Variants in LMAN2 observed in about 807,000 individuals in gnomAD.
LMAN2 encodes lectin, mannose binding 2, also known as vesicular integral-membrane protein VIP36.
A neutral mutation model predicts 39.3 loss-of-function variants in LMAN2; 22 were observed. The observed-to-expected ratio is 0.56, with a 90% CI of 0.40 to 0.80. The LOEUF is 0.80. Among genes scored for constraint, LMAN2 ranks in the 30% least tolerant of loss-of-function variants. The pLI is 0.00. For missense variants in LMAN2, 494 were observed against 505.4 expected (o/e 0.98, Z 0.22); for synonymous variants, 207 against 207.8 (o/e 1.00, Z 0.03).
Position 177,338,678 on chromosome 5 carries a change from G to C in LMAN2, c.316-73C>G, listed in dbSNP as rs1332192963. On this transcript the variant is annotated intron_variant, in intron 2 of 7. Coordinates refer to ENST00000303127, the MANE Select transcript of LMAN2 (RefSeq NM_006816.3). ...AGCAAGCTGGAGGCAACCCCAGCAC[G>C]GCCCCTGCCCCACAGACCTCTCTTC... 4.1e-6 allele frequency: 5 copies of C among 1,222,510 alleles called. No individual in the cohort carries two copies. In the African/African-American group the frequency reaches 5.9e-5, roughly 15 times the overall value. The allele number at this position is 1,222,510 out of a possible 1,614,324, so 75.7% of individuals were successfully genotyped here. A position where few individuals can be genotyped will look rare whatever the true frequency, so the allele number is the denominator to read the frequency against.
At position 177,333,015 on chromosome 5, in the gene LMAN2, C is replaced by T. The variant is rs553867276; in HGVS notation, c.911-769G>A. Among the ~76,000 whole-genome samples the T allele has an allele frequency of 4.6e-5, 7 of 152,352 alleles. No individual in the cohort carries two copies. The South Asian group carries it at 1.4e-3, about 32-fold the overall frequency. ...GCCTTTCAGCGACGTGCATGCCACC[C>T]TCTTGCCAGCCACAAGCCAACCTCC... On this transcript the variant is annotated intron_variant, in intron 7 of 7. Transcript: ENST00000303127.
intron 6 of LMAN2, chr5:177,336,845 T>C (rs1761480795): frequency 6.1e-6 from 3 of 490,838 alleles, no homozygotes; most frequent in Non-Finnish European, 1.1e-5. Flanking sequence ...GACAGGCCAT[T>C]TACAGAAGAA....
Position 177,337,115 on chromosome 5 carries a change from C to G in LMAN2, c.790+21G>C, listed in dbSNP as rs1448213809. 6.3e-6 allele frequency: 10 copies of G among 1,584,730 alleles called. No individual in the cohort carries two copies. In the South Asian group the frequency reaches 9.9e-5, roughly 16 times the overall value. Reference sequence around the variant, plus strand: ...CAGGGTGAGCTGGGCTGGGAACCAACGCCTGGCCCGGCCCACTCACCAGAC... The same window carrying G: ...CAGGGTGAGCTGGGCTGGGAACCAAGGCCTGGCCCGGCCCACTCACCAGAC... On this transcript the variant is annotated intron_variant, in intron 6 of 7. Coordinates refer to ENST00000303127, the MANE Select transcript of LMAN2 (RefSeq NM_006816.3). This position sits in a 1 kb window ranked among gnomAD's most constrained non-coding sequence, Gnocchi z 8.2.
intron 2 of LMAN2, among the ~76,000 whole-genome samples, chr5:177,344,456 ATT>A (rs1453337302): frequency 6.6e-6 from 1 of 150,840 alleles, no homozygotes; most frequent in Non-Finnish European, 1.5e-5. Context: ...AATTAGTTGT[ATT>A]TTTAGTAGAG....
chr5:177,348,444 TG>T (rs1159597137), intron 2 of LMAN2, among the ~76,000 whole-genome samples: 1 of 152,086 alleles, frequency 6.6e-6, no homozygotes. Context: ...CCTAGCACTT[TG>T]GGAGGCCGAG....
chr5:177,347,544 G>A (rs1309352243), intron 2 of LMAN2, among the ~76,000 whole-genome samples: 1 of 151,994 alleles, frequency 6.6e-6, no homozygotes, highest in Admixed American at 6.6e-5. Flanking sequence ...GGACAAACAC[G>A]ATATGACCAC....
chr5:177,347,946 C>T (rs1396609996), intron 2 of LMAN2, among the ~76,000 whole-genome samples: 1 of 151,970 alleles, frequency 6.6e-6, no homozygotes, highest in African/African-American at 2.4e-5. Context: ...TAGTAAGATC[C>T]CATCTATAAT....
chr5:177,351,599 G>C lies in LMAN2; in HGVS notation c.49C>G (p.Leu17Val), dbSNP rs768821010. 5 of 1,610,476 alleles carry C rather than the reference G, an allele frequency of 3.1e-6. No individual in the cohort carries two copies. The South Asian group carries it at 5.5e-5, about 18-fold the overall frequency. Residue 17 changes from leucine to valine, a missense_variant, in exon 1 of 8, where the codon CTG (leucine) becomes GTG (valine). Transcript: ENST00000303127. ...IWRWGWGRRC[L>V]GRPGLLGPGP... ...GGGCCGAGAAGCCCAGGCCTTCCCA[G>C]GCACCGCCGGCCCCAGCCCCAACGC... is the stretch of plus-strand genomic sequence containing the variant.
intron 2 of LMAN2, among the ~76,000 whole-genome samples, chr5:177,339,149 T>C (rs890088771): frequency 1.3e-5 from 2 of 152,232 alleles, no homozygotes; most frequent in Non-Finnish European, 2.9e-5. Context: ...CAGGGTTTTC[T>C]GACTCCGAGA....
Position 177,351,638 on chromosome 5 carries a change from C to T in LMAN2, c.10G>A (p.Glu4Lys), listed in dbSNP as rs1318224784. MAAEGWIWRWGWGR... is the reference protein window; with the variant it reads MAAKGWIWRWGWGR... ...CAGCCCCAACGCCAAATCCAGCCTT[C>T]CGCCGCCATTCTCCTCTCCTCTCGG... is the stretch of plus-strand genomic sequence containing the variant. Residue 4 changes from glutamate (E) to lysine (K), a missense_variant, in exon 1 of 8, where the codon GAA (glutamate) becomes AAA (lysine). Glu to Lys is a moderately conservative substitution (Grantham distance 56). Transcript: ENST00000303127. 3.8e-6 allele frequency: 6 copies of T among 1,592,346 alleles called. No individual in the cohort carries two copies. Among genetic ancestry groups the T allele is most frequent in the South Asian group, 2.3e-5 (2 of 88,846 alleles).
chr5:177,347,417 C>A (rs1304685987), intron 2 of LMAN2, among the ~76,000 whole-genome samples: 1 of 152,148 alleles, frequency 6.6e-6, no homozygotes, highest in Middle Eastern at 3.2e-3. Flanking sequence ...GTCTTCATGA[C>A]CCCAGATTAA....
Position 177,351,210 on chromosome 5 carries a change from T to A in LMAN2, c.278A>T (p.Asp93Val). Residue 93 changes from aspartate to valine, a missense_variant, in exon 2 of 8, where the codon GAC (aspartate) becomes GTC (valine). Asp to Val is a radical substitution (Grantham distance 152). Coordinates refer to ENST00000303127, the MANE Select transcript of LMAN2 (RefSeq NM_006816.3). ...LTSQYVRLTP[D>V]ERSKEGSIWN... ...GATAGAGCCCTCTTTGCTGCGCTCGTCAGGGGTCAGACGTACGTACTGGCT... is the reference window on the plus strand; with the variant it reads ...GATAGAGCCCTCTTTGCTGCGCTCGACAGGGGTCAGACGTACGTACTGGCT... 1 of 1,614,184 alleles carries A rather than the reference T, an allele frequency of 6.2e-7. No homozygotes were observed. Among genetic ancestry groups the A allele is most frequent in the Non-Finnish European group, 8.5e-7 (1 of 1,180,028 alleles).
intron 2 of LMAN2, 40 bp from the exon 3 acceptor site, chr5:177,338,645 G>A (rs1332235566): frequency 3.2e-6 from 5 of 1,574,818 alleles, no homozygotes; most frequent in Non-Finnish European, 4.4e-6. Context: ...AGCTCCCCAG[G>A]GCCTTCCAGC....
At chr5:177,343,903 T>A (rs975640605) in intron 2 of LMAN2, among the ~76,000 whole-genome samples, 2 of 152,106 alleles carry the variant, frequency 1.3e-5, no homozygotes, top group Non-Finnish European at 2.9e-5. Context: ...GCCACTGACC[T>A]GTACACTTAA....
At chr5:177,347,106 T>C (rs1761648269) in intron 2 of LMAN2, among the ~76,000 whole-genome samples, 1 of 152,198 alleles carries the variant, frequency 6.6e-6, no homozygotes, top group Non-Finnish European at 1.5e-5. Flanking sequence ...AGCCCTCATA[T>C]ATTTGAAAAC....
chr5:177,333,177 C>T (rs1427060568), intron 7 of LMAN2, among the ~76,000 whole-genome samples: 1 of 152,252 alleles, frequency 6.6e-6, no homozygotes, highest in Non-Finnish European at 1.5e-5. Context: ...CAGAAAGCCA[C>T]TCAGCCTCAG....
In LMAN2 at chr5:177,337,178, C is replaced by T. The variant is rs372872307; in HGVS notation, c.748G>A (p.Gly250Ser). ...IDITGVRLPT[G>S]YYFGASAGTG... ...CCGGCGGAGGCCCCGAAGTAGTAGC[C>T]GGTGGGCAGGCGCACTCCCGTGATG... The change falls in exon 6 of 8, where the codon GGC becomes AGC. Residue 250 changes from glycine (G) to serine (S), a missense_variant. Gly to Ser is a moderately conservative substitution (Grantham distance 56). Transcript: ENST00000303127. This position sits in a 1 kb window ranked among gnomAD's most constrained non-coding sequence, Gnocchi z 8.2. The T allele has an allele frequency of 9.9e-6, 16 of 1,613,914 alleles. No homozygotes were observed. The highest frequency in any genetic ancestry group is 2.2e-5 in the East Asian group (1 of 44,880).
At chr5:177,339,070 T>G (rs1320218175) in intron 2 of LMAN2, among the ~76,000 whole-genome samples, 5 of 152,226 alleles carry the variant, frequency 3.3e-5, no homozygotes, top group Admixed American at 1.3e-4. Context: ...CTCAGTGGAC[T>G]GTCTGGACTC....
At chr5:177,345,072 G>C (rs912600820) in intron 2 of LMAN2, among the ~76,000 whole-genome samples, 2 of 151,946 alleles carry the variant, frequency 1.3e-5, no homozygotes, top group Non-Finnish European at 2.9e-5. Flanking sequence ...TGGGCGCAGT[G>C]GCTCATGCCT....
Sources: allele counts gnomAD v4.1 joint callset (sites outside exome capture counted in the v4.1 genomes callset), GRCh38; gene constraint gnomAD v4.1.1; non-coding constraint Gnocchi (gnomAD v3.1); transcripts MANE v1.5; gene names NCBI Gene and HGNC (gene_info 2026-07-23, HGNC 2026-07-21).